Variants in AKTIP observed in about 807,000 individuals in gnomAD.
AKTIP encodes AKT interacting protein.
A neutral mutation model predicts 39.1 loss-of-function variants in AKTIP; 16 were observed. The ratio of observed to expected loss-of-function variants is 0.41; its 90% CI spans 0.28 to 0.62. The LOEUF is 0.62. Ranked by LOEUF, AKTIP falls within the 20% of genes least tolerant of loss-of-function variation. The pLI is 0.32. For missense variants in AKTIP, 262 were observed against 356.6 expected (o/e 0.73, Z 2.14); for synonymous variants, 93 against 124.3 (o/e 0.75, Z 1.67).
rs1961438694 is a variant in AKTIP, at chr16:53,491,331, T to C, written c.*1081A>G. On this transcript the variant is annotated 3_prime_UTR_variant, in exon 10 of 10. Transcript: ENST00000394657. ...TTGGTTGGAGAATTTAGGTTTTTAT[T>C]AGTACCATAGTACCATTTATACAAA... 1 of 152,218 alleles carries C rather than the reference T, an allele frequency of 6.6e-6. No homozygotes were observed. Among genetic ancestry groups the C allele is most frequent in the African/African-American group, 2.4e-5 (1 of 41,470 alleles). The allele number at this position is 152,218 out of a possible 1,614,324, so 9.4% of individuals were successfully genotyped here. A position where few individuals can be genotyped will look rare whatever the true frequency, so the allele number is the denominator to read the frequency against.
Position 53,492,465 on chromosome 16 carries a change from T to G in AKTIP, c.826A>C (p.Lys276Gln). The change falls in exon 10 of 10, where the codon AAG becomes CAG. Residue 276 changes from lysine to glutamine, a missense_variant. Transcript: ENST00000394657. ...CTGAAAGGCTGTACTGAGCCAGGCT[T>G]TACCCATGACAGGCCAGCAACATGA... ...SVHVAGLSWV[K>Q]PGSVQPFSKE... The G allele has an allele frequency of 6.2e-7, 1 of 1,613,618 alleles. No individual in the cohort carries two copies. The highest frequency in any genetic ancestry group is 1.1e-5 in the South Asian group (1 of 91,056).
At position 53,495,297 on chromosome 16, in the gene AKTIP, C is replaced by T; in HGVS notation, c.278G>A (p.Gly93Asp). 3 of 1,614,192 alleles carry T rather than the reference C, an allele frequency of 1.9e-6. No individual in the cohort carries two copies. The highest frequency in any genetic ancestry group is 2.5e-6 in the Non-Finnish European group (3 of 1,180,032). ...GCGATAAGATGGCTGCACATAGACGCCTGGTAGCTTCTGCTTCACAACCAA... is the reference window on the plus strand; with the variant it reads ...GCGATAAGATGGCTGCACATAGACGTCTGGTAGCTTCTGCTTCACAACCAA... ...FTLVVKQKLP[G>D]VYVQPSYRSA... Residue 93 changes from glycine (G) to aspartate (D), a missense_variant, in exon 4 of 10, where the codon GGC becomes GAC. Physicochemically the swap from Gly to Asp is moderately conservative, Grantham distance 94 (BLOSUM62 -1). Transcript: ENST00000394657.
At position 53,492,408 on chromosome 16, in the gene AKTIP, T is replaced by A; in HGVS notation, c.*4A>T. ...AGTGCATGGTGCACCAGATTCACCATCTCTTAAGTCGCCACTGTTTTCTCT... is the reference window on the plus strand; with the variant it reads ...AGTGCATGGTGCACCAGATTCACCAACTCTTAAGTCGCCACTGTTTTCTCT... On this transcript the variant is annotated 3_prime_UTR_variant, in exon 10 of 10. Coordinates refer to ENST00000394657, the MANE Select transcript of AKTIP (RefSeq NM_022476.4). 1 of 1,611,692 alleles carries A rather than the reference T, an allele frequency of 6.2e-7. No individual in the cohort carries two copies. Among genetic ancestry groups the A allele is most frequent in the Non-Finnish European group, 8.5e-7 (1 of 1,179,512 alleles).
At chr16:53,493,805 G>T in intron 8 of AKTIP, 1 of 278,132 alleles carries the variant, frequency 3.6e-6, no homozygotes, top group Non-Finnish European at 6.9e-6. Flanking sequence ...ATGTCAATGA[G>T]GGTTTGGCAG....
At position 53,494,764 on chromosome 16, in the gene AKTIP, C is replaced by A. The variant is rs187684236; in HGVS notation, c.415-159G>T. On this transcript the variant is annotated intron_variant, in intron 5 of 9. Coordinates refer to ENST00000394657, the MANE Select transcript of AKTIP (RefSeq NM_022476.4). ...GCTACTTAACTACTTTTACCATTTT[C>A]CTGAAAAACTAAATTTTGCAATGAA... The A allele has an allele frequency of 1.0e-3, 775 of 776,768 alleles. 1 individual carries two copies. Among genetic ancestry groups the A allele is most frequent in the Non-Finnish European group, 1.4e-3 (666 of 472,426 alleles). 48.1% of individuals were successfully genotyped at this position (776,768 alleles called of 1,614,324 possible).
chr16:53,498,609 A>C lies in AKTIP; in HGVS notation c.43-13T>G, dbSNP rs1961983899. On this transcript the variant is annotated splice_polypyrimidine_tract_variant and intron_variant, in intron 2 of 9. Transcript: ENST00000394657. ...CACCTTCAGATCGCTATACAAGATGAAGTTGTAAGAATATCTGTTAGGATG... is the reference window on the plus strand; with the variant it reads ...CACCTTCAGATCGCTATACAAGATGCAGTTGTAAGAATATCTGTTAGGATG... 6.2e-7 allele frequency: 1 copy of C among 1,611,252 alleles called. No homozygotes were observed. The highest frequency in any genetic ancestry group is 1.7e-5 in the Admixed American group (1 of 60,002).
chr16:53,498,519 C>A lies in AKTIP; in HGVS notation c.120G>T (p.Leu40=), dbSNP rs1961976623. Residue 40 remains leucine (L), a synonymous_variant, in exon 3 of 10, where the codon CTG becomes CTT. Transcript: ENST00000394657. ...GCAAAGCATTTTTGGGAATAGAAGG[C>A]AGCTGTTTCTTTGGTGCAGTTCGTG... ...SPPRTAPKKQ[L]PSIPKNALPI... The A allele has an allele frequency of 1.2e-6, 2 of 1,613,914 alleles. No individual in the cohort carries two copies. Among genetic ancestry groups the A allele is most frequent in the African/African-American group, 2.7e-5 (2 of 74,952 alleles).
In AKTIP at chr16:53,496,547, T is replaced by C. The variant is rs993031947; in HGVS notation, c.249-1221A>G. ...TTAAAAAAAAAAAGATGAGGTCTCA[T>C]AGGCTGTCTGCGATGTCTCATGCCT... is the stretch of plus-strand genomic sequence containing the variant. On this transcript the variant is annotated intron_variant, in intron 3 of 9. Coordinates refer to ENST00000394657, the MANE Select transcript of AKTIP (RefSeq NM_022476.4). Among the ~76,000 whole-genome samples the C allele has an allele frequency of 2.1e-5, 3 of 145,268 alleles. No homozygotes were observed. The East Asian group carries it at 6.3e-4, about 30-fold the overall frequency.
upstream of AKTIP, among the ~76,000 whole-genome samples, chr16:53,503,791 G>C (rs1046282267): frequency 6.6e-6 from 1 of 152,234 alleles, no homozygotes; most frequent in Non-Finnish European, 1.5e-5. Context: ...AGGGTACCAG[G>C]GGTCAGAAGG....
At chr16:53,498,915 G>A (rs1042224638) in intron 2 of AKTIP, among the ~76,000 whole-genome samples, 94 of 152,296 alleles carry the variant, frequency 6.2e-4, no homozygotes, top group Non-Finnish European at 1.9e-4. Flanking sequence ...GAGGGCAAGG[G>A]GTTACTAAGC....
At chr16:53,496,540 G>A (rs1255760944) in intron 3 of AKTIP, among the ~76,000 whole-genome samples, 3 of 146,532 alleles carry the variant, frequency 2.0e-5, no homozygotes, top group Admixed American at 6.9e-5. Context: ...AAAAAGATGA[G>A]GTCTCATAGG....
upstream of AKTIP, among the ~76,000 whole-genome samples, chr16:53,503,974 G>A (rs1198726411): frequency 6.6e-6 from 1 of 151,554 alleles, no homozygotes; most frequent in Non-Finnish European, 1.5e-5. Flanking sequence ...GGGGCCGGGG[G>A]CTGGGGGGAG....
At chr16:53,492,660 A>AGTTAGCCATTTCATAAGTT in intron 9 of AKTIP, 33 bp downstream of exon 9, 1 of 1,608,378 alleles carries the variant, frequency 6.2e-7, no homozygotes, top group Non-Finnish European at 8.5e-7. Flanking sequence ...AGAAACAATG[A>AGTTAGCCATTTCATAAGTT]GTTAGCCATT....
At chr16:53,498,920 C>T (rs1962003917) in intron 2 of AKTIP, among the ~76,000 whole-genome samples, 1 of 152,176 alleles carries the variant, frequency 6.6e-6, no homozygotes, top group Admixed American at 6.5e-5. Flanking sequence ...CAAGGGGTTA[C>T]TAAGCAATTA....
At chr16:53,499,243 G>A (rs1962021952) in intron 2 of AKTIP, among the ~76,000 whole-genome samples, 1 of 152,272 alleles carries the variant, frequency 6.6e-6, no homozygotes, top group East Asian at 1.9e-4. Context: ...ACCAAACGCT[G>A]TTTAATTAGC....
In AKTIP at chr16:53,500,403, A is replaced by T. The variant is rs565780290; in HGVS notation, c.-70-74T>A. ...AGACTTTTTTTTTTTTTTAAGATGGAGTCTCACTCTGTTGCCCAGGCTGGA... is the reference window on the plus strand; with the variant it reads ...AGACTTTTTTTTTTTTTTAAGATGGTGTCTCACTCTGTTGCCCAGGCTGGA... On this transcript the variant is annotated intron_variant, in intron 1 of 9. Transcript: ENST00000394657. The T allele has an allele frequency of 6.5e-5, 61 of 932,422 alleles. No homozygotes were observed. In the South Asian group the frequency reaches 1.1e-3, roughly 16 times the overall value. The allele number at this position is 932,422 out of a possible 1,614,324, so 57.8% of individuals were successfully genotyped here. A position where few individuals can be genotyped will look rare whatever the true frequency, so the allele number is the denominator to read the frequency against.
chr16:53,498,712 A>G (rs998877642), intron 2 of AKTIP, 116 bp from the exon 3 acceptor site: 54 of 1,038,914 alleles, frequency 5.2e-5, no homozygotes, highest in Non-Finnish European at 7.7e-5. Flanking sequence ...ACATTCTAAC[A>G]CCATGACCAA....
At chr16:53,501,969 C>G (rs1962196531) in intron 1 of AKTIP, among the ~76,000 whole-genome samples, 1 of 152,214 alleles carries the variant, frequency 6.6e-6, no homozygotes, top group Admixed American at 6.5e-5. Context: ...TCAGATCTAG[C>G]AGTAATGTGC....
chr16:53,492,150 A>ATACT lies in AKTIP; in HGVS notation c.*258_*261dup, dbSNP rs4002163. 9,565 of 396,836 alleles carry ATACT rather than the reference A, an allele frequency of 0.024. 682 individuals are homozygous for ATACT. The highest frequency in any genetic ancestry group is 0.17 in the African/African-American group (8,120 of 49,114). 24.6% of individuals were successfully genotyped at this position (396,836 alleles called of 1,614,324 possible). The stretch of plus-strand genomic sequence containing the variant: ...TACCTTTAGCATTATATTCAGAAAA[A>ATACT]TACTTACTTAAGCCTCAAGGTCCCC... On this transcript the variant is annotated 3_prime_UTR_variant, in exon 10 of 10. Coordinates refer to ENST00000394657, the MANE Select transcript of AKTIP (RefSeq NM_022476.4).
Sources: gnomAD v4.1 joint callset for allele counts (sites outside exome capture counted in the v4.1 genomes callset) on GRCh38, gnomAD v4.1.1 for gene constraint, MANE v1.5 for transcripts, NCBI Gene and HGNC (gene_info 2026-07-23, HGNC 2026-07-21) for gene names.